GPR158: variants seen among roughly 807,000 people sequenced by gnomAD.
GPR158 encodes the protein G protein-coupled receptor 158.
In GPR158, 30 loss-of-function variants were observed where a neutral mutation model predicts 78.2. The ratio of observed to expected loss-of-function variants is 0.38; its 90% CI spans 0.29 to 0.52. The LOEUF is 0.52. GPR158 is among the 20% of genes least tolerant of loss of function. The pLI, the probability that GPR158 is intolerant of heterozygous loss-of-function variation, is 0.83. For missense variants in GPR158, 1,463 were observed against 1,523.5 expected (o/e 0.96, Z 0.66); for synonymous variants, 581 against 591.1 (o/e 0.98, Z 0.25).
chr10:25,486,984 G>GT (rs1408295550), intron 5 of GPR158, among the ~76,000 whole-genome samples: 9 of 152,126 alleles, frequency 5.9e-5, no homozygotes, highest in African/African-American at 2.2e-4. Context: ...AGCAAATAAA[G>GT]TGAATGTCTG....
chr10:25,362,817 T>C (rs1855660074), intron 2 of GPR158, among the ~76,000 whole-genome samples: 2 of 151,964 alleles, frequency 1.3e-5, no homozygotes, highest in African/African-American at 4.8e-5. Context: ...ATTCATTTAT[T>C]AGTTCTAACA....
At chr10:25,440,997 A>C (rs779468058) in intron 4 of GPR158, among the ~76,000 whole-genome samples, 1 of 152,210 alleles carries the variant, frequency 6.6e-6, no homozygotes, top group Non-Finnish European at 1.5e-5. Flanking sequence ...TATGAAAAAT[A>C]AAAAGGATAG....
chr10:25,586,281 C>T (rs1837264329), intron 7 of GPR158, among the ~76,000 whole-genome samples: 1 of 151,156 alleles, frequency 6.6e-6, no homozygotes. Flanking sequence ...AGTCAAGCAA[C>T]ATGGGCAGCT....
chr10:25,398,110 G>A (rs1211340634), intron 3 of GPR158, among the ~76,000 whole-genome samples: 1 of 152,158 alleles, frequency 6.6e-6, no homozygotes, highest in African/African-American at 2.4e-5. Context: ...GAAGAGGACC[G>A]TGAGCTCCAG....
intron 2 of GPR158, among the ~76,000 whole-genome samples, chr10:25,353,747 CTT>C (rs935461071): frequency 2.6e-5 from 4 of 151,954 alleles, no homozygotes; most frequent in Non-Finnish European, 5.9e-5. Flanking sequence ...GTCTATGTGT[CTT>C]TATAGAATTG....
chr10:25,184,680 T>C (rs1166783343), intron 1 of GPR158, among the ~76,000 whole-genome samples: 1 of 152,166 alleles, frequency 6.6e-6, no homozygotes, highest in East Asian at 1.9e-4. Flanking sequence ...ATGCCTAGGA[T>C]AGTGAAAATA....
intron 6 of GPR158, among the ~76,000 whole-genome samples, chr10:25,562,914 C>T (rs1836877194): frequency 6.6e-6 from 1 of 152,158 alleles, no homozygotes; most frequent in Non-Finnish European, 1.5e-5. Flanking sequence ...ATCTTTTTCT[C>T]TCATCAGTTC....
intron 2 of GPR158, among the ~76,000 whole-genome samples, chr10:25,381,885 G>A (rs1006072219): frequency 6.6e-6 from 1 of 152,178 alleles, no homozygotes; most frequent in African/African-American, 2.4e-5. Flanking sequence ...ACAGGGTAAA[G>A]CACATTTATA....
intron 2 of GPR158, among the ~76,000 whole-genome samples, chr10:25,352,994 T>A (rs1422480046): frequency 6.6e-6 from 1 of 152,026 alleles, no homozygotes; most frequent in African/African-American, 2.4e-5. Context: ...TCTGAAGTAG[T>A]TATTTCTAAG....
intron 2 of GPR158, among the ~76,000 whole-genome samples, chr10:25,386,792 A>G (rs1350963868): frequency 1.3e-5 from 2 of 152,116 alleles, no homozygotes; most frequent in African/African-American, 2.4e-5. Context: ...AGAAACAACC[A>G]ATTTTGGCAT....
intron 1 of GPR158, among the ~76,000 whole-genome samples, chr10:25,215,450 C>T (rs541157808): frequency 6.6e-6 from 1 of 152,154 alleles, no homozygotes; most frequent in South Asian, 2.1e-4. Context: ...ATTGGTTGCA[C>T]AATAATATGT....
intron 1 of GPR158, among the ~76,000 whole-genome samples, chr10:25,210,862 G>A (rs766447630): frequency 1.4e-4 from 21 of 151,284 alleles, no homozygotes; most frequent in Non-Finnish European, 2.8e-4. Flanking sequence ...GGCTGGGTGC[G>A]GTGGCTCACA....
chr10:25,190,453 C>T (rs1852758463), intron 1 of GPR158, among the ~76,000 whole-genome samples: 2 of 152,058 alleles, frequency 1.3e-5, no homozygotes, highest in African/African-American at 2.4e-5. Context: ...CCACCTCAGT[C>T]CCCCAAGTAG....
intron 5 of GPR158, among the ~76,000 whole-genome samples, chr10:25,543,346 C>G (rs1284163070): frequency 1.3e-5 from 2 of 152,116 alleles, no homozygotes; most frequent in Non-Finnish European, 2.9e-5. Flanking sequence ...GTCTCAAACC[C>G]CTGACCTCAA....
At chr10:25,594,175 A>G in intron 8 of GPR158, 117 bp from the exon 9 acceptor site, 1 of 643,430 alleles carries the variant, frequency 1.6e-6, no homozygotes, top group Non-Finnish European at 2.8e-6. Flanking sequence ...AGAAATAGTA[A>G]TACAATTTCC....
At chr10:25,198,786 A>G (rs984137529) in intron 1 of GPR158, among the ~76,000 whole-genome samples, 12 of 152,074 alleles carry the variant, frequency 7.9e-5, no homozygotes, top group African/African-American at 4.8e-5. Flanking sequence ...TCAGTCATCA[A>G]TGGGCCAAGT....
chr10:25,591,943 A>T (rs1837346402), intron 8 of GPR158, among the ~76,000 whole-genome samples: 1 of 152,058 alleles, frequency 6.6e-6, no homozygotes, highest in African/African-American at 2.4e-5. Flanking sequence ...ATAATAAACC[A>T]ATCAAGTATG....
chr10:25,305,184 A>G (rs781653208), intron 2 of GPR158, among the ~76,000 whole-genome samples: 21 of 152,318 alleles, frequency 1.4e-4, no homozygotes, highest in South Asian at 1.2e-3. Flanking sequence ...CAGAAATCAC[A>G]TTGTTATATG....
intron 2 of GPR158, among the ~76,000 whole-genome samples, chr10:25,246,832 A>G (rs1039293078): frequency 5.9e-5 from 9 of 152,322 alleles, no homozygotes; most frequent in Admixed American, 5.9e-4. Flanking sequence ...CAAGCATGAG[A>G]TCCTTTTCAT....
Sources: gnomAD v4.1 joint callset for allele counts (sites outside exome capture counted in the v4.1 genomes callset) on GRCh38, gnomAD v4.1.1 for gene constraint, MANE v1.5 for transcripts, NCBI Gene and HGNC (gene_info 2026-07-23, HGNC 2026-07-21) for gene names.